Variants in CERS3 observed in about 807,000 individuals in gnomAD.
CERS3 encodes LAG1 homolog, ceramide synthase 3.
In CERS3, 33 loss-of-function variants were observed where a neutral mutation model predicts 50.3. The observed-to-expected ratio is 0.66, with a 90% CI of 0.50 to 0.88. The LOEUF is 0.88. CERS3 is among the 40% of genes least tolerant of loss of function. The pLI is 0.00. For missense variants in CERS3, 470 were observed against 460.3 expected (o/e 1.02, Z -0.19); for synonymous variants, 176 against 155.2 (o/e 1.13, Z -0.99).
At chr15:100,419,695 C>T (rs945498668) in intron 11 of CERS3, among the ~76,000 whole-genome samples, 5 of 151,822 alleles carry the variant, frequency 3.3e-5, no homozygotes, top group African/African-American at 1.2e-4. Flanking sequence ...AAGCTCTCCT[C>T]AGCAAATGTA....
At chr15:100,473,659 A>G (rs540613887) in intron 8 of CERS3, among the ~76,000 whole-genome samples, 1 of 152,356 alleles carries the variant, frequency 6.6e-6, no homozygotes, top group Non-Finnish European at 1.5e-5. Context: ...AAGTGTTGGC[A>G]AGGATGTGGA....
intron 11 of CERS3, among the ~76,000 whole-genome samples, chr15:100,405,559 A>G (rs2030954076): frequency 6.6e-6 from 1 of 152,234 alleles, no homozygotes; most frequent in Admixed American, 6.5e-5. Context: ...TCTTAAAGAC[A>G]TTATGCTGAG....
intron 11 of CERS3, among the ~76,000 whole-genome samples, chr15:100,439,919 G>A (rs538743990): frequency 6.6e-6 from 1 of 152,276 alleles, no homozygotes; most frequent in South Asian, 2.1e-4. Context: ...CTTGTCCATG[G>A]CTCCCCAACC....
Position 100,444,811 on chromosome 15 carries a change from T to C in CERS3, c.999+11082A>G, listed in dbSNP as rs1296318437. ...CTTTCACTGGATAGGTAGAGGCCTTTCCCACAAGGTCTAAGAAGGCCACCA... is the reference window on the plus strand; with the variant it reads ...CTTTCACTGGATAGGTAGAGGCCTTCCCCACAAGGTCTAAGAAGGCCACCA... On this transcript the variant is annotated intron_variant, in intron 11 of 11. Coordinates refer to ENST00000679737, the MANE Select transcript of CERS3 (RefSeq NM_001378789.1). Among the ~76,000 whole-genome samples the C allele has an allele frequency of 2.6e-5, 4 of 152,302 alleles. No individual in the cohort carries two copies. The East Asian group carries it at 7.7e-4, about 29-fold the overall frequency.
chr15:100,518,693 G>C (rs1023429382), intron 2 of CERS3, among the ~76,000 whole-genome samples: 1 of 152,144 alleles, frequency 6.6e-6, no homozygotes, highest in Non-Finnish European at 1.5e-5. Flanking sequence ...ACATACACAG[G>C]ATTTCCTAGC....
intron 1 of CERS3, among the ~76,000 whole-genome samples, chr15:100,523,632 C>T (rs943328457): frequency 2.8e-5 from 4 of 144,614 alleles, no homozygotes; most frequent in African/African-American, 7.8e-5. Flanking sequence ...ACCTAGGAGG[C>T]GGAGCTTGCA....
In CERS3 at chr15:100,476,173, C is replaced by T; in HGVS notation, c.522G>A (p.Leu174=). Residue 174 remains leucine (L), a synonymous_variant, in exon 8 of 12, where the codon CTG becomes CTA. Transcript: ENST00000679737. ...EVWNGYPKQP[L]LPSQYWYYIL... is the part of the protein sequence containing the mutation. ...TGTAGTACCAGTACTGGGATGGCAG[C>T]AGGGGCTGAGGAAAAGAAGAGTATT... 6.4e-7 allele frequency: 1 copy of T among 1,564,018 alleles called. No homozygotes were observed. The highest frequency in any genetic ancestry group is 1.2e-5 in the South Asian group (1 of 82,344).
intron 2 of CERS3, among the ~76,000 whole-genome samples, chr15:100,513,858 C>T (rs1405530527): frequency 6.6e-6 from 1 of 152,182 alleles, no homozygotes; most frequent in East Asian, 1.9e-4. Context: ...ATAGGCCATT[C>T]CTTCTGCCTA....
intron 1 of CERS3, among the ~76,000 whole-genome samples, chr15:100,522,651 G>A (rs758306960): frequency 1.1e-4 from 17 of 152,124 alleles, no homozygotes; most frequent in Non-Finnish European, 1.5e-4. Context: ...ACTCATTTTC[G>A]TTGACTTTTA....
At chr15:100,467,005 C>A (rs2034765909) in intron 10 of CERS3, among the ~76,000 whole-genome samples, 1 of 151,704 alleles carries the variant, frequency 6.6e-6, no homozygotes, top group Non-Finnish European at 1.5e-5. Context: ...AGGCATGTGC[C>A]ACCACACCCG....
At chr15:100,465,042 C>T (rs2034669229) in intron 10 of CERS3, among the ~76,000 whole-genome samples, 1 of 152,126 alleles carries the variant, frequency 6.6e-6, no homozygotes, top group African/African-American at 2.4e-5. Context: ...GGGAAATGCA[C>T]ACACTCCAGC....
rs768605959 is a variant in CERS3, at chr15:100,402,723, T to G, written c.1142A>C (p.His381Pro). The G allele has an allele frequency of 2.5e-6, 4 of 1,614,030 alleles. 1 individual carries two copies. In the South Asian group the frequency reaches 4.4e-5, roughly 18 times the overall value. The change falls in exon 12 of 12, where the codon CAT becomes CCT. Residue 381 changes from histidine (H) to proline (P), a missense_variant. Coordinates refer to ENST00000679737, the MANE Select transcript of CERS3 (RefSeq NM_001378789.1). ...CCTGTAGGCTTCCAGCTAATGGCCA[T>G]GCTGGCCATTGGGAATGAGGTGCCT... ...AERHLIPNGQ[H>P]GH
intron 10 of CERS3, among the ~76,000 whole-genome samples, chr15:100,459,570 G>A (rs1276616920): frequency 6.6e-6 from 1 of 152,104 alleles, no homozygotes; most frequent in Non-Finnish European, 1.5e-5. Context: ...TAGGATTATA[G>A]GCATGAACCA....
intron 3 of CERS3, among the ~76,000 whole-genome samples, chr15:100,493,998 C>G (rs1480562779): frequency 2.0e-5 from 3 of 151,860 alleles, no homozygotes; most frequent in African/African-American, 7.3e-5. Context: ...TCTAGGCTTT[C>G]TCAGAAACAC....
chr15:100,470,521 G>A, intron 9 of CERS3, among the ~76,000 whole-genome samples: 1 of 152,122 alleles, frequency 6.6e-6, no homozygotes, highest in Non-Finnish European at 1.5e-5. Context: ...AATTCAGAGT[G>A]ACTGTAGTGG....
At chr15:100,441,023 A>C (rs1349941285) in intron 11 of CERS3, among the ~76,000 whole-genome samples, 1 of 152,148 alleles carries the variant, frequency 6.6e-6, no homozygotes, top group East Asian at 1.9e-4. Flanking sequence ...AAGGTGTCAG[A>C]CCACGCAGGG....
At chr15:100,459,946 CA>C (rs2034496673) in intron 10 of CERS3, among the ~76,000 whole-genome samples, 1 of 151,878 alleles carries the variant, frequency 6.6e-6, no homozygotes, top group Non-Finnish European at 1.5e-5. Context: ...GGCATCTGTC[CA>C]TTTTTCTATT....
At chr15:100,495,601 A>C (rs1267388584) in intron 3 of CERS3, among the ~76,000 whole-genome samples, 1 of 152,164 alleles carries the variant, frequency 6.6e-6, no homozygotes, top group African/African-American at 2.4e-5. Context: ...GTATTTGCTC[A>C]AATCTTTTGC....
At chr15:100,424,054 G>A (rs1340318679) in intron 11 of CERS3, among the ~76,000 whole-genome samples, 1 of 151,150 alleles carries the variant, frequency 6.6e-6, no homozygotes, top group Non-Finnish European at 1.5e-5. Flanking sequence ...TGATCCTCCT[G>A]CCTCAGCCTC....
Sources: allele counts gnomAD v4.1 joint callset (sites outside exome capture counted in the v4.1 genomes callset), GRCh38; gene constraint gnomAD v4.1.1; transcripts MANE v1.5; gene names NCBI Gene and HGNC (gene_info 2026-07-23, HGNC 2026-07-21).